Variants in METAP1 observed in about 807,000 individuals in gnomAD.
METAP1 encodes methionine aminopeptidase 1.
Under a neutral mutation model 53.8 loss-of-function variants are expected in METAP1, and 28 were observed. The ratio of observed to expected loss-of-function variants is 0.52; its 90% CI spans 0.39 to 0.71. The LOEUF is 0.71. METAP1 is among the 30% of genes least tolerant of loss of function. The pLI is 0.00. For synonymous variants in METAP1, 181 were observed against 165.7 expected (o/e 1.09, Z -0.71); for missense variants, 389 against 479.8 (o/e 0.81, Z 1.77).
intron 1 of METAP1, among the ~76,000 whole-genome samples, chr4:99,004,283 A>G (rs1285289430): frequency 6.6e-6 from 1 of 152,146 alleles, no homozygotes; most frequent in Non-Finnish European, 1.5e-5. Context: ...CTTATGACCC[A>G]CATCACAAAG....
At chr4:99,006,827 C>T (rs986843401) in intron 1 of METAP1, among the ~76,000 whole-genome samples, 1 of 152,112 alleles carries the variant, frequency 6.6e-6, no homozygotes, top group Non-Finnish European at 1.5e-5. Flanking sequence ...CTTGAAGAGG[C>T]TAGTCAGTTG....
intron 4 of METAP1, among the ~76,000 whole-genome samples, chr4:99,037,555 A>AT (rs1401747500): frequency 1.3e-5 from 2 of 151,942 alleles, no homozygotes; most frequent in Non-Finnish European, 2.9e-5. Flanking sequence ...ATCACCAGTT[A>AT]TTTAAAAAAT....
At chr4:99,004,776 G>A (rs887957024) in intron 1 of METAP1, among the ~76,000 whole-genome samples, 22 of 152,008 alleles carry the variant, frequency 1.4e-4, no homozygotes, top group Non-Finnish European at 4.4e-5. Flanking sequence ...ATGATTACAT[G>A]TATTCTTTTA....
intron 8 of METAP1, among the ~76,000 whole-genome samples, chr4:99,046,959 GAAA>G (rs1333963162): frequency 1.7e-5 from 2 of 115,222 alleles, no homozygotes; most frequent in Non-Finnish European, 3.8e-5. Flanking sequence ...AAAAAAAAAA[GAAA>G]AAGAAAAAAC....
intron 1 of METAP1, among the ~76,000 whole-genome samples, chr4:99,001,489 T>G (rs1722924916): frequency 6.6e-6 from 1 of 152,210 alleles, no homozygotes; most frequent in East Asian, 1.9e-4. Flanking sequence ...GTGCACACAG[T>G]TGTGTATGTT....
chr4:99,051,024 T>C (rs1726657846), intron 9 of METAP1, among the ~76,000 whole-genome samples: 1 of 152,206 alleles, frequency 6.6e-6, no homozygotes, highest in Non-Finnish European at 1.5e-5. Flanking sequence ...GTAACTGACT[T>C]CATTCCTTCC....
At chr4:99,038,781 T>C (rs17216080) in intron 4 of METAP1, among the ~76,000 whole-genome samples, 35,679 of 152,038 alleles carry the variant, frequency 0.23, 5,167 homozygotes, top group Middle Eastern at 0.34. Flanking sequence ...ACGTGATCTT[T>C]GTATGTGTAT....
intron 1 of METAP1, among the ~76,000 whole-genome samples, chr4:99,010,191 C>T (rs889632064): frequency 2.0e-5 from 3 of 152,204 alleles, no homozygotes; most frequent in Admixed American, 6.5e-5. Context: ...TGGTGCCTCA[C>T]ACCTGTAATC....
intron 5 of METAP1, among the ~76,000 whole-genome samples, chr4:99,039,718 T>G (rs952340762): frequency 6.6e-6 from 1 of 152,020 alleles, no homozygotes; most frequent in African/African-American, 2.4e-5. Flanking sequence ...CTCAGCCTCC[T>G]GAGTAGCTGG....
At chr4:99,030,273 A>C (rs1363724045) in intron 2 of METAP1, among the ~76,000 whole-genome samples, 1 of 152,178 alleles carries the variant, frequency 6.6e-6, no homozygotes, top group Non-Finnish European at 1.5e-5. Flanking sequence ...TCAATACTGG[A>C]TATTTAGGGG....
intron 1 of METAP1, chr4:99,022,145 G>A (rs1455114496): frequency 6.4e-6 from 2 of 314,126 alleles, no homozygotes; most frequent in Non-Finnish European, 5.8e-6. Context: ...TAGGAGTTTA[G>A]ATGGGGGAAT....
At chr4:99,022,575 A>C in intron 1 of METAP1, 1 of 650,674 alleles carries the variant, frequency 1.5e-6, no homozygotes, top group Non-Finnish European at 2.8e-6. Context: ...CACTTTGAAG[A>C]TAGAAGATGG....
At chr4:99,027,668 C>T (rs1724663611) in intron 1 of METAP1, among the ~76,000 whole-genome samples, 1 of 152,032 alleles carries the variant, frequency 6.6e-6, no homozygotes, top group African/African-American at 2.4e-5. Context: ...AACCCAACCT[C>T]CCCAAAAGAC....
chr4:99,039,284 A>T, intron 4 of METAP1, 90 bp from the exon 5 acceptor site: 2 of 713,918 alleles, frequency 2.8e-6, no homozygotes, highest in Non-Finnish European at 4.8e-6. Context: ...CAGTGAGACT[A>T]CTGTTTTTAT....
intron 9 of METAP1, among the ~76,000 whole-genome samples, chr4:99,055,119 G>A (rs1016814414): frequency 1.3e-5 from 2 of 151,974 alleles, no homozygotes; most frequent in African/African-American, 2.4e-5. Flanking sequence ...GGTCAGATGT[G>A]GTGGCTCATA....
chr4:99,031,325 C>T (rs1313003411), intron 2 of METAP1, among the ~76,000 whole-genome samples: 8 of 151,882 alleles, frequency 5.3e-5, no homozygotes, highest in Non-Finnish European at 1.0e-4. Context: ...TTTAATGTAT[C>T]GCTGACATAT....
chr4:99,039,752 C>A (rs1197004450), intron 5 of METAP1, among the ~76,000 whole-genome samples: 1 of 152,260 alleles, frequency 6.6e-6, no homozygotes, highest in Non-Finnish European at 1.5e-5. Context: ...CACCACCACA[C>A]CTGGCTAATT....
chr4:99,045,158 T>C, intron 7 of METAP1, 21 bp from the exon 8 acceptor site: 1 of 1,609,316 alleles, frequency 6.2e-7, no homozygotes, highest in Non-Finnish European at 8.5e-7. Context: ...ATGGTCTTTA[T>C]ATTTGCACAT....
intron 1 of METAP1, among the ~76,000 whole-genome samples, chr4:99,021,947 A>G (rs1724139401): frequency 6.6e-6 from 1 of 152,162 alleles, no homozygotes; most frequent in African/African-American, 2.4e-5. Flanking sequence ...TAACCGGGGA[A>G]TGATAAATCC....
Sources: allele counts gnomAD v4.1 joint callset (sites outside exome capture counted in the v4.1 genomes callset), GRCh38; gene constraint gnomAD v4.1.1; transcripts MANE v1.5; gene names NCBI Gene and HGNC (gene_info 2026-07-23, HGNC 2026-07-21).